Variants in THSD7B observed in about 807,000 individuals in gnomAD.
The protein encoded by THSD7B is thrombospondin type 1 domain containing 7B, also known as thrombospondin type-1 domain-containing protein 7B.
In THSD7B, 138 loss-of-function variants were observed where a neutral mutation model predicts 213.6. The observed-to-expected ratio is 0.65, with a 90% confidence interval of 0.56 to 0.74. The LOEUF is 0.74. Ranked by LOEUF, THSD7B falls within the 30% of genes least tolerant of loss-of-function variation. The pLI, the probability that THSD7B is intolerant of heterozygous loss-of-function variation, is 0.00. For synonymous variants in THSD7B, 742 were observed against 687.0 expected, an observed-to-expected ratio of 1.08 and a Z score of -1.25; for missense variants, 1,931 against 1,991.5, an observed-to-expected ratio of 0.97 and a Z score of 0.58.
At chr2:137,228,834 AAGAT>A (rs745425132) in intron 7 of THSD7B, among the ~76,000 whole-genome samples, 1 of 152,182 alleles carries the variant, frequency 6.6e-6, no homozygotes, top group Non-Finnish European at 1.5e-5. Context: ...GAGCTCTAGA[AAGAT>A]AAGTAACAGT....
intron 20 of THSD7B, among the ~76,000 whole-genome samples, chr2:137,626,542 GCT>G (rs1205473515): frequency 5.3e-5 from 8 of 151,546 alleles, no homozygotes; most frequent in Non-Finnish European, 7.4e-5. Context: ...TTACCACCTG[GCT>G]CTCTTTTAGC....
chr2:137,361,665 C>T (rs751348778), intron 12 of THSD7B, among the ~76,000 whole-genome samples: 21 of 151,758 alleles, frequency 1.4e-4, no homozygotes, highest in Admixed American at 3.9e-4. Flanking sequence ...AAATGAAGCG[C>T]GAAGAGAAGT....
At chr2:137,381,072 CAGTT>C (rs1201698707) in intron 12 of THSD7B, among the ~76,000 whole-genome samples, 2 of 152,202 alleles carry the variant, frequency 1.3e-5, no homozygotes, top group African/African-American at 2.4e-5. Flanking sequence ...CCTCAGAACT[CAGTT>C]AGAACCTGAC....
chr2:137,198,551 G>A (rs927445656), intron 7 of THSD7B, among the ~76,000 whole-genome samples: 4 of 152,118 alleles, frequency 2.6e-5, no homozygotes, highest in East Asian at 1.9e-4. Context: ...AGAGACTAAC[G>A]GTTTCAGCTG....
chr2:136,775,572 A>G (rs981680665), intron 1 of THSD7B, among the ~76,000 whole-genome samples: 1 of 152,156 alleles, frequency 6.6e-6, no homozygotes, highest in Non-Finnish European at 1.5e-5. Context: ...ATTCAGTCAC[A>G]CTAAGTGATC....
intron 12 of THSD7B, among the ~76,000 whole-genome samples, chr2:137,282,228 T>C (rs567665107): frequency 0.024 from 3,590 of 152,054 alleles, 151 homozygotes; most frequent in African/African-American, 0.082. Context: ...GTTCATGTCC[T>C]TTGCCCACTT....
At chr2:136,864,968 A>T (rs1683311789) in intron 1 of THSD7B, among the ~76,000 whole-genome samples, 1 of 152,234 alleles carries the variant, frequency 6.6e-6, no homozygotes. Context: ...AATCAATATT[A>T]CCATGTGTCT....
At chr2:137,372,616 T>G (rs1207345506) in intron 12 of THSD7B, among the ~76,000 whole-genome samples, 3 of 152,052 alleles carry the variant, frequency 2.0e-5, no homozygotes, top group Non-Finnish European at 4.4e-5. Flanking sequence ...GCATTAAGCT[T>G]TGTCTGGAGA....
At chr2:136,930,645 C>T (rs1684612149) in intron 2 of THSD7B, among the ~76,000 whole-genome samples, 1 of 152,120 alleles carries the variant, frequency 6.6e-6, no homozygotes, top group Non-Finnish European at 1.5e-5. Context: ...TGATTTGTGA[C>T]TTTAGAGAGA....
chr2:137,094,740 A>C, intron 3 of THSD7B, 133 bp from the exon 4 acceptor site: 1 of 1,162,324 alleles, frequency 8.6e-7, no homozygotes, highest in Non-Finnish European at 1.2e-6. Context: ...GATGTCTCTA[A>C]AATTTTTTAA....
rs11893241 is a variant in THSD7B at position 137,053,958 on chromosome 2, G to C, written c.140-2462G>C. Among the ~76,000 whole-genome samples the C allele has an allele frequency of 6.8e-3, 1,038 of 152,104 alleles. 12 individuals carry two copies. Among genetic ancestry groups the C allele is most frequent in the African/African-American group, 0.024 (991 of 41,506 alleles). ...ACTGAGTAACTGTGGGAATTTTGGGGCAATAATAAAAATTTATATGAATGG... is the reference window on the plus strand; with the variant it reads ...ACTGAGTAACTGTGGGAATTTTGGGCCAATAATAAAAATTTATATGAATGG... On this transcript the variant is annotated intron_variant, in intron 2 of 27. Coordinates refer to ENST00000409968, the MANE Select transcript of THSD7B (RefSeq NM_001316349.2).
chr2:137,438,577 CAGGTGG>C (rs1687337902), intron 14 of THSD7B, among the ~76,000 whole-genome samples: 1 of 151,984 alleles, frequency 6.6e-6, no homozygotes, highest in South Asian at 2.1e-4. Context: ...TTTACAAAAA[CAGGTGG>C]AGGCTGGGGT....
At chr2:137,511,202 AT>A (rs2105152096) in intron 15 of THSD7B, among the ~76,000 whole-genome samples, 1 of 152,066 alleles carries the variant, frequency 6.6e-6, no homozygotes, top group Admixed American at 6.6e-5. Flanking sequence ...AACATATTTA[AT>A]TTTCTTTAAT....
At chr2:136,789,211 C>T (rs191483894) in intron 1 of THSD7B, among the ~76,000 whole-genome samples, 2 of 151,912 alleles carry the variant, frequency 1.3e-5, no homozygotes, top group Admixed American at 1.3e-4. Context: ...GCTTCCAGGC[C>T]ATTTCTTTCT....
chr2:137,273,390 A>G (rs1682795888), intron 11 of THSD7B, among the ~76,000 whole-genome samples: 1 of 152,060 alleles, frequency 6.6e-6, no homozygotes, highest in African/African-American at 2.4e-5. Flanking sequence ...TTAACACCTG[A>G]CAGTTTTAAA....
chr2:137,074,508 G>A (rs1013526731), intron 3 of THSD7B, among the ~76,000 whole-genome samples: 2 of 152,086 alleles, frequency 1.3e-5, no homozygotes, highest in Admixed American at 1.3e-4. Context: ...TTCCTGAATA[G>A]AGCACACTGA....
chr2:137,396,500 C>A (rs1232821879), intron 12 of THSD7B, among the ~76,000 whole-genome samples: 1 of 145,664 alleles, frequency 6.9e-6, no homozygotes, highest in African/African-American at 2.5e-5. Flanking sequence ...ATCCTGAGTT[C>A]TAGTTTGATT....
intron 1 of THSD7B, among the ~76,000 whole-genome samples, chr2:136,822,308 G>T (rs1247540349): frequency 6.6e-6 from 1 of 152,140 alleles, no homozygotes; most frequent in Non-Finnish European, 1.5e-5. Context: ...CCCTTCGGCC[G>T]TTTGTGTATT....
chr2:137,072,014 T>C (rs1687502069), intron 3 of THSD7B, among the ~76,000 whole-genome samples: 1 of 152,244 alleles, frequency 6.6e-6, no homozygotes, highest in Non-Finnish European at 1.5e-5. Context: ...ACTGTAGCCT[T>C]GTAGTATAGT....
Sources: gnomAD v4.1 joint callset for allele counts (sites outside exome capture counted in the v4.1 genomes callset) on GRCh38, gnomAD v4.1.1 for gene constraint, MANE v1.5 for transcripts, NCBI Gene and HGNC (gene_info 2026-07-23, HGNC 2026-07-21) for gene names.